Variants in AQR observed in about 807,000 individuals in gnomAD.
The protein encoded by AQR is RNA helicase aquarius.
AQR carries 61 observed loss-of-function variants against 180.5 expected under a neutral mutation model. The observed-to-expected ratio is 0.34, with a 90% CI of 0.28 to 0.42. AQR has a LOEUF of 0.42. AQR is among the 10% of genes least tolerant of loss of function. The pLI is 1.00. For missense variants in AQR, 1,281 were observed against 1,798.3 expected, an observed-to-expected ratio of 0.71 and a Z score of 5.20; for synonymous variants, 551 against 588.8, an observed-to-expected ratio of 0.94 and a Z score of 0.93.
intron 6 of AQR, chr15:34,943,003 T>A: frequency 1.4e-6 from 2 of 1,452,786 alleles, no homozygotes; most frequent in Non-Finnish European, 1.9e-6. Context: ...AAATCACATC[T>A]ATTTATATTT....
intron 33 of AQR, among the ~76,000 whole-genome samples, chr15:34,860,700 T>C (rs1038615566): frequency 3.3e-5 from 5 of 152,222 alleles, no homozygotes; most frequent in Admixed American, 2.6e-4. Flanking sequence ...GTCCTACTTA[T>C]ATTTTTCTAA....
intron 16 of AQR, among the ~76,000 whole-genome samples, chr15:34,911,190 T>G (rs1437653585): frequency 6.6e-6 from 1 of 152,238 alleles, no homozygotes; most frequent in African/African-American, 2.4e-5. Context: ...ATTTTCTTTA[T>G]CCATTCAGCC....
intron 3 of AQR, among the ~76,000 whole-genome samples, chr15:34,958,966 CATATAG>C (rs1894371519): frequency 1.4e-5 from 2 of 146,890 alleles, no homozygotes; most frequent in Admixed American, 1.4e-4. Flanking sequence ...CATTACATTA[CATATAG>C]ATATATAGAT....
intron 27 of AQR, among the ~76,000 whole-genome samples, chr15:34,882,188 G>A (rs937864860): frequency 4.0e-5 from 6 of 151,856 alleles, no homozygotes; most frequent in African/African-American, 1.5e-4. Flanking sequence ...TTAATTAGGT[G>A]AATTTTAGGC....
At chr15:34,946,584 G>A (rs1310005568) in intron 5 of AQR, among the ~76,000 whole-genome samples, 2 of 148,410 alleles carry the variant, frequency 1.3e-5, no homozygotes, top group Non-Finnish European at 3.0e-5. Flanking sequence ...GAGGTGGGGG[G>A]GGTCAGCCCC....
intron 1 of AQR, 48 bp from the exon 2 acceptor site, chr15:34,964,338 T>C (rs764573782): frequency 1.4e-6 from 2 of 1,443,400 alleles, no homozygotes; most frequent in South Asian, 2.4e-5. Flanking sequence ...CTTGCCATTG[T>C]AGAGCTGGAA....
intron 5 of AQR, among the ~76,000 whole-genome samples, chr15:34,946,621 A>T (rs1894124494): frequency 1.4e-5 from 2 of 139,782 alleles, no homozygotes; most frequent in Non-Finnish European, 1.5e-5. Flanking sequence ...CCCATCCGGG[A>T]GGTGAGGGGC....
chr15:34,893,552 A>T, intron 23 of AQR, 111 bp downstream of exon 23: 1 of 863,282 alleles, frequency 1.2e-6, no homozygotes, highest in Non-Finnish European at 1.8e-6. Context: ...ATTGTGTCCC[A>T]CACTTACCTC....
intron 3 of AQR, among the ~76,000 whole-genome samples, chr15:34,957,876 T>C (rs1894347274): frequency 6.6e-6 from 1 of 152,058 alleles, no homozygotes; most frequent in South Asian, 2.1e-4. Flanking sequence ...AGATAAATCT[T>C]AGCCATGCCA....
In AQR at chr15:34,855,805, T is replaced by A. The variant is rs1595777205; in HGVS notation, c.*987A>T. The A allele has an allele frequency of 6.6e-6, 1 of 152,158 alleles. No individual in the cohort carries two copies. The highest frequency in any genetic ancestry group is 2.4e-5 in the African/African-American group (1 of 41,430). The allele number at this position is 152,158 out of a possible 1,614,324, so 9.4% of individuals were successfully genotyped here. A position where few individuals can be genotyped will look rare whatever the true frequency, so the allele number is the denominator to read the frequency against. ...CTATAAATAACAAACTTCAATACGA[T>A]GTTGATGCTGTTGGTTCACAAATCA... On this transcript the variant is annotated 3_prime_UTR_variant, in exon 35 of 35. Coordinates refer to ENST00000156471, the MANE Select transcript of AQR (RefSeq NM_014691.3).
At chr15:34,924,381 T>C (rs1458968202) in intron 13 of AQR, among the ~76,000 whole-genome samples, 1 of 152,168 alleles carries the variant, frequency 6.6e-6, no homozygotes, top group Non-Finnish European at 1.5e-5. Context: ...TTGGAGAATA[T>C]GTTTTTCATT....
chr15:34,944,227 A>G, intron 6 of AQR, 61 bp downstream of exon 6: 1 of 1,470,836 alleles, frequency 6.8e-7, no homozygotes, highest in Non-Finnish European at 9.1e-7. Context: ...AATTTCATCT[A>G]AACTCAACCT....
chr15:34,957,639 T>C (rs1360105540), intron 3 of AQR, among the ~76,000 whole-genome samples: 2 of 148,482 alleles, frequency 1.3e-5, no homozygotes, highest in Non-Finnish European at 3.0e-5. Flanking sequence ...AGGTGGAGGT[T>C]GCGGTGAGCC....
intron 10 of AQR, 106 bp downstream of exon 10, chr15:34,934,465 G>A: frequency 1.9e-6 from 1 of 528,692 alleles, no homozygotes; most frequent in Non-Finnish European, 3.1e-6. Context: ...ATATACATAT[G>A]TATTGAAAAG....
At chr15:34,877,711 C>T (rs1259857529) in intron 27 of AQR, among the ~76,000 whole-genome samples, 2 of 152,154 alleles carry the variant, frequency 1.3e-5, no homozygotes, top group East Asian at 3.8e-4. Flanking sequence ...TTTTAAAATA[C>T]AGATTTTAAT....
In AQR at chr15:34,857,611, C is replaced by T. The variant is rs573503931; in HGVS notation, c.4144-505G>A. On this transcript the variant is annotated intron_variant, in intron 34 of 34. Transcript: ENST00000156471. ...CTAAAAAACACAAAAATTAGCTGAG[C>T]GTGGTGGCAGGAGCCTGTAATCCCA... Among the ~76,000 whole-genome samples, 378 of 152,208 alleles carry T rather than the reference C, an allele frequency of 2.5e-3. 1 individual carries two copies. Among genetic ancestry groups the T allele is most frequent in the Non-Finnish European group, 3.9e-3 (266 of 68,008 alleles).
At chr15:34,919,973 C>G (rs7496340) in intron 14 of AQR, among the ~76,000 whole-genome samples, 1 of 152,076 alleles carries the variant, frequency 6.6e-6, no homozygotes, top group African/African-American at 2.4e-5. Context: ...TCATTTCTTT[C>G]TATTGCAAAG....
chr15:34,870,818 C>T lies in AQR; in HGVS notation c.3702G>A (p.Lys1234=), dbSNP rs755170453. 2.0e-5 allele frequency: 33 copies of T among 1,613,234 alleles called. No homozygotes were observed. The highest frequency in any genetic ancestry group is 5.3e-5 in the African/African-American group (4 of 74,848). Residue 1234 remains lysine, a synonymous_variant, in exon 31 of 35, where the codon AAG becomes AAA. Coordinates refer to ENST00000156471, the MANE Select transcript of AQR (RefSeq NM_014691.3). The stretch of plus-strand genomic sequence containing the variant: ...TATTGATGATGTCGCGAATAAGATG[C>T]TTTTGGCCATTATATGTTGTTAGAA... ...ISILTTYNGQ[K]HLIRDIINRR...
At chr15:34,946,609 G>A (rs1283517329) in intron 5 of AQR, among the ~76,000 whole-genome samples, 1 of 147,216 alleles carries the variant, frequency 6.8e-6, no homozygotes, top group East Asian at 2.1e-4. Context: ...CCGGCCAGCC[G>A]CCCCATCCGG....
Sources: gnomAD v4.1 joint callset for allele counts (sites outside exome capture counted in the v4.1 genomes callset) on GRCh38, gnomAD v4.1.1 for gene constraint, MANE v1.5 for transcripts, NCBI Gene and HGNC (gene_info 2026-07-23, HGNC 2026-07-21) for gene names.